Variants in CLNK observed in about 807,000 individuals in gnomAD.
The protein encoded by CLNK is cytokine dependent hematopoietic cell linker.
In CLNK, 74 loss-of-function variants were observed where a neutral mutation model predicts 68.6. That is an observed-to-expected ratio of 1.08 (90% confidence interval 0.89 to 1.31). The LOEUF (loss-of-function observed/expected upper bound fraction) is 1.31. Ranked by LOEUF, CLNK falls within the 50% of genes most tolerant of loss-of-function variation. CLNK has a pLI of 0.00. For synonymous variants in CLNK, 198 were observed against 172.2 expected (o/e 1.15, Z -1.17); for missense variants, 553 against 515.3 (o/e 1.07, Z -0.71).
chr4:10,550,464 C>T (rs943819762), intron 8 of CLNK, among the ~76,000 whole-genome samples: 1 of 152,116 alleles, frequency 6.6e-6, no homozygotes, highest in African/African-American at 2.4e-5. Context: ...CACTGCACTC[C>T]AGCCTGGGCG....
chr4:10,708,257 G>T, the CLNK span, among the ~76,000 whole-genome samples: 4 of 152,116 alleles, frequency 2.6e-5, no homozygotes, highest in Admixed American at 2.0e-4. Context: ...TATGTCAAAA[G>T]ACTTTCATGA....
chr4:10,648,368 C>T (rs1056362547), intron 2 of CLNK, among the ~76,000 whole-genome samples: 7 of 152,148 alleles, frequency 4.6e-5, no homozygotes, highest in African/African-American at 1.4e-4. Flanking sequence ...GATCAAAGAA[C>T]TAAAAATTAA....
intron 1 of CLNK, among the ~76,000 whole-genome samples, chr4:10,679,190 A>G (rs950128504): frequency 6.6e-6 from 1 of 152,360 alleles, no homozygotes; most frequent in South Asian, 2.1e-4. Context: ...GGAACAGAAC[A>G]GAGCCCTCAG....
chr4:10,563,264 A>G (rs769788624), intron 7 of CLNK, among the ~76,000 whole-genome samples: 7 of 152,236 alleles, frequency 4.6e-5, no homozygotes, highest in Non-Finnish European at 1.0e-4. Context: ...AAGAATAGTG[A>G]AATCCCTTTT....
intron 2 of CLNK, among the ~76,000 whole-genome samples, chr4:10,633,474 C>A (rs935696080): frequency 6.6e-6 from 1 of 152,248 alleles, no homozygotes; most frequent in African/African-American, 2.4e-5. Context: ...CATCTACATT[C>A]TCCCATTTAA....
chr4:10,615,775 C>T (rs924263762), intron 2 of CLNK, among the ~76,000 whole-genome samples: 1 of 152,166 alleles, frequency 6.6e-6, no homozygotes, highest in Non-Finnish European at 1.5e-5. Flanking sequence ...AAATGACTCT[C>T]TAAGGTCAAA....
chr4:10,660,542 T>C (rs1040502993), intron 2 of CLNK, among the ~76,000 whole-genome samples: 1 of 152,244 alleles, frequency 6.6e-6, no homozygotes, highest in Non-Finnish European at 1.5e-5. Context: ...AACAAACTCA[T>C]GCATTAAGTA....
At chr4:10,670,841 C>T (rs145437832) in intron 1 of CLNK, among the ~76,000 whole-genome samples, 1 of 152,300 alleles carries the variant, frequency 6.6e-6, no homozygotes, top group African/African-American at 2.4e-5. Flanking sequence ...GCAGGAGATT[C>T]TGCCAAATTG....
intron 14 of CLNK, among the ~76,000 whole-genome samples, chr4:10,522,043 G>A (rs937344462): frequency 5.9e-5 from 9 of 152,032 alleles, no homozygotes; most frequent in South Asian, 2.1e-4. Flanking sequence ...CGGATCACAA[G>A]GTCAGGAGAT....
rs115921733 is a variant in CLNK, at chr4:10,646,997, A to G, written c.11+20862T>C. On this transcript the variant is annotated intron_variant, in intron 2 of 18. Transcript: ENST00000226951. ...TTTTTGCCACATTCTTTTTGTTGCC[A>G]TCACTGAACATTGTATACATCTCTA... Among the ~76,000 whole-genome samples the G allele has an allele frequency of 4.3e-3, 651 of 152,280 alleles. 6 individuals are homozygous for G. The highest frequency in any genetic ancestry group is 0.015 in the African/African-American group (608 of 41,576).
At chr4:10,676,789 C>T (rs1724892402) in intron 1 of CLNK, among the ~76,000 whole-genome samples, 1 of 151,842 alleles carries the variant, frequency 6.6e-6, no homozygotes, top group South Asian at 2.1e-4. Context: ...TCCTTTCCTT[C>T]CTCTATCCTT....
intron 5 of CLNK, among the ~76,000 whole-genome samples, chr4:10,571,506 T>C (rs1161135922): frequency 6.6e-6 from 1 of 151,924 alleles, no homozygotes; most frequent in Non-Finnish European, 1.5e-5. Context: ...GGCTAATTTT[T>C]TGTATTTTTA....
At chr4:10,522,765 T>A (rs971528913) in intron 14 of CLNK, among the ~76,000 whole-genome samples, 4 of 152,114 alleles carry the variant, frequency 2.6e-5, no homozygotes, top group African/African-American at 7.2e-5. Flanking sequence ...GTAGAATAAA[T>A]GTTATGGTAA....
At chr4:10,576,002 G>T (rs899419629) in intron 4 of CLNK, among the ~76,000 whole-genome samples, 1 of 152,202 alleles carries the variant, frequency 6.6e-6, no homozygotes. Context: ...CCCCCAGGCA[G>T]TGGCAAGACG....
chr4:10,683,716 G>T (rs558955610), intron 1 of CLNK, among the ~76,000 whole-genome samples: 1 of 152,148 alleles, frequency 6.6e-6, no homozygotes, highest in Non-Finnish European at 1.5e-5. Flanking sequence ...TTTCTGAAGC[G>T]CTGTCATTTC....
At chr4:10,722,644 G>T in the CLNK span, among the ~76,000 whole-genome samples, 9 of 152,310 alleles carry the variant, frequency 5.9e-5, no homozygotes, top group South Asian at 1.9e-3. Flanking sequence ...AAGTAAAGAA[G>T]GAAGCAACAA....
chr4:10,526,223 G>A (rs534658448), intron 13 of CLNK, among the ~76,000 whole-genome samples: 32 of 152,130 alleles, frequency 2.1e-4, no homozygotes, highest in Non-Finnish European at 4.0e-4. Context: ...TTCTGGACCC[G>A]TGATTTTAAA....
At chr4:10,665,217 C>G (rs1426651263) in intron 2 of CLNK, among the ~76,000 whole-genome samples, 2 of 152,180 alleles carry the variant, frequency 1.3e-5, no homozygotes, top group Non-Finnish European at 2.9e-5. Flanking sequence ...GACTGTAAAG[C>G]TGAAATCACA....
At position 10,584,975 on chromosome 4, in the gene CLNK, C is replaced by G; in HGVS notation, c.84-20G>C. ...CATGACCTAGGGCAGAAAAGAGAACCAAGTTAAATGTCCATTGCTCCACCT... is the reference window on the plus strand; with the variant it reads ...CATGACCTAGGGCAGAAAAGAGAACGAAGTTAAATGTCCATTGCTCCACCT... On this transcript the variant is annotated intron_variant, in intron 3 of 18. Transcript: ENST00000226951. 3 of 1,613,312 alleles carry G rather than the reference C, an allele frequency of 1.9e-6. No individual in the cohort carries two copies. Among genetic ancestry groups the G allele is most frequent in the Non-Finnish European group, 2.5e-6 (3 of 1,179,656 alleles).
Sources: gnomAD v4.1 joint callset for allele counts (sites outside exome capture counted in the v4.1 genomes callset) on GRCh38, gnomAD v4.1.1 for gene constraint, MANE v1.5 for transcripts, NCBI Gene and HGNC (gene_info 2026-07-23, HGNC 2026-07-21) for gene names.